The following SRPRB variants were observed in gnomAD, a reference collection of about 807,000 sequenced individuals.
The protein encoded by SRPRB is SRP receptor subunit beta, also known as signal recognition particle receptor subunit beta.
A neutral mutation model predicts 31.9 loss-of-function variants in SRPRB; 20 were observed. The observed-to-expected ratio is 0.63, with a 90% CI of 0.44 to 0.91. The LOEUF (loss-of-function observed/expected upper bound fraction) is 0.91, where lower values mean the gene tolerates loss of function less well. Ranked by LOEUF, SRPRB falls within the 40% of genes least tolerant of loss-of-function variation. The pLI, the probability that SRPRB is intolerant of heterozygous loss-of-function variation, is 0.00. For missense variants in SRPRB, 321 were observed against 324.9 expected (o/e 0.99, Z 0.09); for synonymous variants, 146 against 132.8 (o/e 1.10, Z -0.68).
chr3:133,789,451 C>T (rs1357624654), intron 1 of SRPRB: 1 of 152,216 alleles, frequency 6.6e-6, no homozygotes, highest in Non-Finnish European at 1.5e-5. Flanking sequence ...TAATAGTTCA[C>T]AGCCTTCATT....
At chr3:133,810,258 T>G (rs2107970707) in intron 3 of SRPRB, 1 of 152,320 alleles carries the variant, frequency 6.6e-6, no homozygotes, top group African/African-American at 2.4e-5. Context: ...GCTGGAATTG[T>G]GTTAAATCTG....
chr3:133,828,263 G>T, downstream of SRPRB: 1 of 469,576 alleles, frequency 2.1e-6, no homozygotes, highest in Non-Finnish European at 3.8e-6. Flanking sequence ...AACTGGAGTA[G>T]GGCCTAGAGA....
downstream of SRPRB, chr3:133,828,144 A>C (rs1333098817): frequency 1.6e-6 from 1 of 610,400 alleles, no homozygotes; most frequent in African/African-American, 1.8e-5. Context: ...TAGAGCCCAC[A>C]GACCTTGGTC....
At chr3:133,791,506 T>G (rs1934829927) in intron 1 of SRPRB, 1 of 152,200 alleles carries the variant, frequency 6.6e-6, no homozygotes, top group Non-Finnish European at 1.5e-5. Context: ...AAATGAATAG[T>G]AAAAGTCACT....
chr3:133,818,761 A>G (rs1455627057), intron 6 of SRPRB, among the ~76,000 whole-genome samples: 3 of 147,036 alleles, frequency 2.0e-5, no homozygotes, highest in Non-Finnish European at 1.5e-5. Flanking sequence ...CCAGTTTTGT[A>G]TTGTTTTTTA....
At chr3:133,818,138 G>C (rs1935398524) in intron 6 of SRPRB, among the ~76,000 whole-genome samples, 1 of 152,062 alleles carries the variant, frequency 6.6e-6, no homozygotes, top group Non-Finnish European at 1.5e-5. Flanking sequence ...AGGTTAATAA[G>C]GACATTGGAA....
At chr3:133,823,940 C>T (rs140930335), downstream of SRPRB, among the ~76,000 whole-genome samples, 330 of 152,312 alleles carry the variant, frequency 2.2e-3, 4 homozygotes, top group Non-Finnish European at 7.6e-4. Context: ...AGGAATATAT[C>T]GTACCCCTGA....
intron 4 of SRPRB, among the ~76,000 whole-genome samples, chr3:133,813,332 C>G (rs1935308633): frequency 6.6e-6 from 1 of 152,202 alleles, no homozygotes; most frequent in African/African-American, 2.4e-5. Context: ...TCATTTCTCA[C>G]ACTCTGGAAT....
chr3:133,794,226 C>T (rs1183331227), intron 1 of SRPRB: 2 of 152,096 alleles, frequency 1.3e-5, no homozygotes, highest in African/African-American at 2.4e-5. Flanking sequence ...TTACATGACT[C>T]GTCACGGAAA....
intron 2 of SRPRB, among the ~76,000 whole-genome samples, chr3:133,807,037 T>C (rs1018131162): frequency 1.3e-5 from 2 of 152,168 alleles, no homozygotes; most frequent in African/African-American, 4.8e-5. Flanking sequence ...GTTAACAAAT[T>C]CTTAGGACAG....
At position 133,819,876 on chromosome 3, in the gene SRPRB, T is replaced by C; in HGVS notation, c.*110T>C. 9.7e-7 allele frequency: 1 copy of C among 1,033,198 alleles called. No homozygotes were observed. The highest frequency in any genetic ancestry group is 2.6e-5 in the East Asian group (1 of 38,158). 64.0% of individuals were successfully genotyped at this position (1,033,198 alleles called of 1,614,324 possible). A position where few individuals can be genotyped will look rare whatever the true frequency, so the allele number is the denominator to read the frequency against. On this transcript the variant is annotated 3_prime_UTR_variant, in exon 7 of 7. Transcript: ENST00000678299. ...GGGTACAAGATGTGGTTAGAAACAT[T>C]TCTTTGTTCTGGAAACAAAGTACTG...
chr3:133,813,075 C>T (rs150607714), intron 4 of SRPRB, among the ~76,000 whole-genome samples: 242 of 152,266 alleles, frequency 1.6e-3, no homozygotes, highest in Middle Eastern at 6.8e-3. Flanking sequence ...GGGTGGCAGC[C>T]GCATCACTCC....
chr3:133,789,129 CT>C (rs1413467219), intron 1 of SRPRB: 1 of 152,336 alleles, frequency 6.6e-6, no homozygotes, highest in Non-Finnish European at 1.5e-5. Context: ...ATCCTCCAGA[CT>C]TCAACCTCTC....
chr3:133,821,736 T>G (rs981417745), downstream of SRPRB, among the ~76,000 whole-genome samples: 9 of 152,208 alleles, frequency 5.9e-5, no homozygotes, highest in Non-Finnish European at 1.2e-4. Context: ...ACAATTTGAT[T>G]CAATAGCAAG....
At chr3:133,818,939 T>C (rs1052215195) in intron 6 of SRPRB, among the ~76,000 whole-genome samples, 4 of 152,258 alleles carry the variant, frequency 2.6e-5, no homozygotes, top group Non-Finnish European at 5.9e-5. Flanking sequence ...GCAGCATGTA[T>C]TCCTCTGCTT....
chr3:133,805,977 G>A lies in SRPRB; in HGVS notation c.129G>A (p.Ala43=). ...TDPTLLSVVV[A]VLAVLLTLVF... ...CAACGCTGTTGTCAGTAGTGGTGGC[G>A]GTTCTTGCGGTGCTGCTGACGCTAG... is the stretch of plus-strand genomic sequence containing the variant. The change falls in exon 1 of 7, where the codon GCG becomes GCA. Residue 43 remains alanine (A), a synonymous_variant. Coordinates refer to ENST00000678299, the MANE Select transcript of SRPRB (RefSeq NM_001379313.1). 1 of 1,613,162 alleles carries A rather than the reference G, an allele frequency of 6.2e-7. No individual in the cohort carries two copies. Among genetic ancestry groups the A allele is most frequent in the East Asian group, 2.2e-5 (1 of 44,786 alleles).
chr3:133,791,201 A>G (rs1338537445), intron 1 of SRPRB: 1 of 152,214 alleles, frequency 6.6e-6, no homozygotes, highest in Non-Finnish European at 1.5e-5. Flanking sequence ...GATGGAGCAC[A>G]CCAGCTTTTT....
chr3:133,825,598 A>C (rs1170660152), downstream of SRPRB: 1 of 152,210 alleles, frequency 6.6e-6, no homozygotes, highest in Non-Finnish European at 1.5e-5. Context: ...CTTCATGTTG[A>C]TGTATGTATG....
intron 1 of SRPRB, chr3:133,790,666 CT>C (rs1454905506): frequency 6.6e-6 from 1 of 152,154 alleles, no homozygotes; most frequent in Non-Finnish European, 1.5e-5. Context: ...TTGGCAATTC[CT>C]TTTTACTATA....
Sources: allele counts gnomAD v4.1 joint callset (sites outside exome capture counted in the v4.1 genomes callset), GRCh38; gene constraint gnomAD v4.1.1; transcripts MANE v1.5; gene names NCBI Gene and HGNC (gene_info 2026-07-23, HGNC 2026-07-21).